CFAP20DC: variants seen among roughly 807,000 people sequenced by gnomAD.
CFAP20DC encodes CFAP20 domain containing.
A neutral mutation model predicts 101.7 loss-of-function variants in CFAP20DC; 84 were observed. The ratio of observed to expected loss-of-function variants is 0.83; its 90% CI spans 0.69 to 0.99. The LOEUF (loss-of-function observed/expected upper bound fraction) is 0.99. CFAP20DC is among the 50% of genes least tolerant of loss of function. The pLI, the probability that CFAP20DC is intolerant of heterozygous loss-of-function variation, is 0.00. For synonymous variants in CFAP20DC, 359 were observed against 351.2 expected, an observed-to-expected ratio of 1.02 and a Z score of -0.25; for missense variants, 1,007 against 970.3, an observed-to-expected ratio of 1.04 and a Z score of -0.50.
intron 4 of CFAP20DC, among the ~76,000 whole-genome samples, chr3:58,982,508 A>G (rs916619113): frequency 1.3e-5 from 2 of 152,110 alleles, no homozygotes; most frequent in Non-Finnish European, 2.9e-5. Context: ...CATATACACC[A>G]TGGAATACTA....
intron 15 of CFAP20DC, among the ~76,000 whole-genome samples, chr3:58,770,370 A>C (rs1684707526): frequency 6.6e-6 from 1 of 152,192 alleles, no homozygotes; most frequent in Non-Finnish European, 1.5e-5. Flanking sequence ...CTGAGGAGTA[A>C]GACATGGTTC....
At chr3:58,803,009 T>C (rs923790121) in intron 15 of CFAP20DC, among the ~76,000 whole-genome samples, 5 of 151,794 alleles carry the variant, frequency 3.3e-5, no homozygotes, top group African/African-American at 9.7e-5. Context: ...CATGAAAGAC[T>C]GGGGATATTG....
At chr3:58,735,022 G>C (rs997219968) in intron 3 of CFAP20DC, among the ~76,000 whole-genome samples, 2 of 151,958 alleles carry the variant, frequency 1.3e-5, no homozygotes, top group Non-Finnish European at 2.9e-5. Context: ...ACTCACCAGG[G>C]GCTACTATAA....
At chr3:58,955,195 G>C (rs1258050755) in intron 4 of CFAP20DC, among the ~76,000 whole-genome samples, 1 of 152,034 alleles carries the variant, frequency 6.6e-6, no homozygotes, top group Admixed American at 6.6e-5. Flanking sequence ...CATCCCCTCT[G>C]CAAGTACACC....
chr3:58,801,157 C>G (rs2073672760), intron 15 of CFAP20DC, among the ~76,000 whole-genome samples: 1 of 152,034 alleles, frequency 6.6e-6, no homozygotes, highest in Non-Finnish European at 1.5e-5. Flanking sequence ...TTCAGCCAGA[C>G]CCGTGGGTTC....
At chr3:58,994,558 G>A (rs1002732468) in intron 4 of CFAP20DC, among the ~76,000 whole-genome samples, 7 of 151,988 alleles carry the variant, frequency 4.6e-5, no homozygotes, top group Admixed American at 3.3e-4. Flanking sequence ...TCTTCTCCTC[G>A]TCAAATAACA....
At chr3:58,828,290 T>C (rs996503598) in intron 14 of CFAP20DC, among the ~76,000 whole-genome samples, 2 of 152,164 alleles carry the variant, frequency 1.3e-5, no homozygotes, top group African/African-American at 4.8e-5. Flanking sequence ...TATTAAGTAC[T>C]TATGTCTCAG....
At chr3:58,726,596 C>G (rs2067555167) in intron 3 of CFAP20DC, 1 of 180,500 alleles carries the variant, frequency 5.5e-6, no homozygotes. Context: ...ATGAAAGTGA[C>G]CCATCCCTTC....
At chr3:58,781,107 G>C (rs1224387103) in intron 15 of CFAP20DC, among the ~76,000 whole-genome samples, 2 of 151,622 alleles carry the variant, frequency 1.3e-5, no homozygotes, top group Non-Finnish European at 2.9e-5. Context: ...CAACAATAGA[G>C]TAAACCTAGA....
At chr3:58,966,396 C>T (rs2091530367) in intron 4 of CFAP20DC, among the ~76,000 whole-genome samples, 1 of 151,598 alleles carries the variant, frequency 6.6e-6, no homozygotes, top group South Asian at 2.1e-4. Context: ...GAAATAAATA[C>T]TGAGAAATAA....
Position 58,868,044 on chromosome 3 carries a change from T to C in CFAP20DC, c.1016-108A>G. On this transcript the variant is annotated intron_variant, in intron 9 of 16. Transcript: ENST00000482387. This position sits in a 1 kb window ranked among gnomAD's most constrained non-coding sequence, Gnocchi z 4.6. Reference sequence around the variant, plus strand: ...ATAATGAGAATATTCATGTATAATTTTGACATAATGTGAAGATACATCAAA... The same window carrying C: ...ATAATGAGAATATTCATGTATAATTCTGACATAATGTGAAGATACATCAAA... The C allele has an allele frequency of 1.6e-6, 2 of 1,262,480 alleles. No homozygotes were observed. The highest frequency in any genetic ancestry group is 2.1e-6 in the Non-Finnish European group (2 of 941,778). 78.2% of individuals were successfully genotyped at this position (1,262,480 alleles called of 1,614,324 possible).
At position 58,717,720 on chromosome 3, in the gene CFAP20DC, A is replaced by G. The variant is rs772872908; in HGVS notation, c.198-92T>C. ...GGGTCTGTCCATTGTTATCAGGAAA[A>G]CAATGCTTTTTCTGGAAGTCTCATC... On this transcript the variant is annotated intron_variant, in intron 3 of 3. Transcript: ENST00000486145. The surrounding 1 kb of genome is among the most constrained non-coding windows in gnomAD (Gnocchi z 4.1). 1.3e-4 allele frequency: 48 copies of G among 374,674 alleles called. No homozygotes were observed. Among genetic ancestry groups the G allele is most frequent in the Admixed American group, 1.2e-3 (33 of 28,022 alleles). 23.2% of individuals were successfully genotyped at this position (374,674 alleles called of 1,614,324 possible). A position where few individuals can be genotyped will look rare whatever the true frequency, so the allele number is the denominator to read the frequency against.
rs554768933 is a variant in CFAP20DC, at chr3:58,932,116, C to T, written c.393+5532G>A. The stretch of plus-strand genomic sequence containing the variant: ...GGTGAAAGCCAAGGCTTGAGAACTA[C>T]GTGAAGAATGCAGAAGCCTCAGGAG... On this transcript the variant is annotated intron_variant, in intron 5 of 16. Coordinates refer to ENST00000482387, the MANE Select transcript of CFAP20DC (RefSeq NM_001394063.1). 3.9e-3 allele frequency among the ~76,000 whole-genome samples: 601 copies of T among 152,158 alleles called. 2 individuals carry two copies. Among genetic ancestry groups the T allele is most frequent in the Non-Finnish European group, 6.2e-3 (419 of 68,022 alleles).
chr3:58,946,432 T>C (rs918506456), intron 4 of CFAP20DC, among the ~76,000 whole-genome samples: 2 of 152,186 alleles, frequency 1.3e-5, no homozygotes, highest in African/African-American at 4.8e-5. Context: ...GTTTTATCTC[T>C]CAGTCCATTC....
At position 58,799,708 on chromosome 3, in the gene CFAP20DC, A is replaced by AGT. The variant is rs1221274795; in HGVS notation, c.2237+6685_2237+6686dup. Among the ~76,000 whole-genome samples the AGT allele has an allele frequency of 2.7e-4, 39 of 146,304 alleles. 1 individual carries two copies. In the East Asian group the frequency reaches 6.9e-3, roughly 26 times the overall value. The stretch of plus-strand genomic sequence containing the variant: ...TACATTCCAGCATTCGAGAAGGAGC[A>AGT]GTGTGTGTGTGTCTGTGTGTGTGTC... On this transcript the variant is annotated intron_variant, in intron 15 of 16. Coordinates refer to ENST00000482387, the MANE Select transcript of CFAP20DC (RefSeq NM_001394063.1). The surrounding 1 kb of genome is among the most constrained non-coding windows in gnomAD (Gnocchi z 4.9).
intron 15 of CFAP20DC, among the ~76,000 whole-genome samples, chr3:58,805,853 T>C (rs190848142): frequency 4.0e-4 from 61 of 152,250 alleles, no homozygotes; most frequent in African/African-American, 1.4e-3. Flanking sequence ...CATACACCAA[T>C]GACATTTTTG....
rs1242666041 is a variant in CFAP20DC at position 58,912,554 on chromosome 3, C to G, written c.550+1154G>C. 2.9e-6 allele frequency: 1 copy of G among 341,986 alleles called. No individual in the cohort carries two copies. The highest frequency in any genetic ancestry group is 7.9e-5 in the East Asian group (1 of 12,710). 21.2% of individuals were successfully genotyped at this position (341,986 alleles called of 1,614,324 possible). A position where few individuals can be genotyped will look rare whatever the true frequency, so the allele number is the denominator to read the frequency against. Reference sequence around the variant, plus strand: ...AAATCTGAAGTCTAGATAGAAACTTCTAAGTAATCACCTTTGACATCTTAT... The same window carrying G: ...AAATCTGAAGTCTAGATAGAAACTTGTAAGTAATCACCTTTGACATCTTAT... On this transcript the variant is annotated intron_variant, in intron 6 of 16. Transcript: ENST00000482387. The surrounding 1 kb of genome is among the most constrained non-coding windows in gnomAD (Gnocchi z 4.4).
chr3:58,781,748 C>T lies in CFAP20DC; in HGVS notation c.2237+24647G>A, dbSNP rs935864562. ...AGATTAAATCAAGAAGAAACAGAAA[C>T]CTGAACAGAACAATAACAAGTTATG... On this transcript the variant is annotated intron_variant, in intron 15 of 16. Transcript: ENST00000482387. Among the ~76,000 whole-genome samples the T allele has an allele frequency of 3.9e-5, 6 of 152,042 alleles. No individual in the cohort carries two copies. The South Asian group carries it at 1.2e-3, about 31-fold the overall frequency.
At chr3:59,000,423 C>A (rs1223082023) in intron 4 of CFAP20DC, among the ~76,000 whole-genome samples, 1 of 152,080 alleles carries the variant, frequency 6.6e-6, no homozygotes, top group Non-Finnish European at 1.5e-5. Flanking sequence ...GGAATCTGAG[C>A]ATGATCATGG....
Sources: gnomAD v4.1 joint callset for allele counts (sites outside exome capture counted in the v4.1 genomes callset) on GRCh38, gnomAD v4.1.1 for gene constraint, Gnocchi (gnomAD v3.1) non-coding constraint, MANE v1.5 for transcripts, NCBI Gene and HGNC (gene_info 2026-07-23, HGNC 2026-07-21) for gene names.